Variants in NIPBL observed in about 807,000 individuals in gnomAD.
NIPBL encodes nipped-B-like protein.
NIPBL carries 19 observed loss-of-function variants against 321.8 expected under a neutral mutation model. The ratio of observed to expected loss-of-function variants is 0.06; its 90% confidence interval spans 0.04 to 0.09. NIPBL has a LOEUF of 0.09. Among genes scored for constraint, NIPBL ranks in the 10% least tolerant of loss-of-function variants. The pLI, the probability that NIPBL is intolerant of heterozygous loss-of-function variation, is 1.00. For synonymous variants in NIPBL, 1,106 were observed against 1,114.1 expected, an observed-to-expected ratio of 0.99 and a Z score of 0.14; for missense variants, 2,210 against 3,327.0, an observed-to-expected ratio of 0.66 and a Z score of 8.26.
chr5:37,017,156 A>G lies in NIPBL; in HGVS notation c.4914A>G (p.Leu1638=), dbSNP rs1344131398. 6.2e-7 allele frequency: 1 copy of G among 1,609,804 alleles called. No homozygotes were observed. Among genetic ancestry groups the G allele is most frequent in the East Asian group, 2.2e-5 (1 of 44,748 alleles). The change falls in exon 24 of 47, where the codon TTA becomes TTG. Residue 1638 remains leucine, a synonymous_variant. Transcript: ENST00000282516. ...KMDQGSIERI[L]KQVSGGEDEI... is the part of the protein sequence containing the mutation. Reference sequence around the variant, plus strand: ...ATCAAGGATCTATAGAACGCATTTTAAAACAGGTACTAAGATAAAAGATTA... The same window carrying G: ...ATCAAGGATCTATAGAACGCATTTTGAAACAGGTACTAAGATAAAAGATTA...
intron 22 of NIPBL, among the ~76,000 whole-genome samples, 164 bp from the exon 23 acceptor site, chr5:37,015,874 A>T (rs1165146371): frequency 6.6e-6 from 1 of 152,236 alleles, no homozygotes; most frequent in South Asian, 2.1e-4. Context: ...AGTTTGTGAA[A>T]TAGACTCATT....
At chr5:37,006,293 T>C in intron 16 of NIPBL, 64 bp from the exon 17 acceptor site, 1 of 889,492 alleles carries the variant, frequency 1.1e-6, no homozygotes. Context: ...AATCATAATT[T>C]TAATGTATAT....
intron 7 of NIPBL, 126 bp from the exon 8 acceptor site, chr5:36,971,819 A>C (rs1742878184): frequency 1.3e-6 from 2 of 1,487,314 alleles, no homozygotes; most frequent in Non-Finnish European, 1.8e-6. Flanking sequence ...AAAGTGCAGA[A>C]GAATTATGCT....
At chr5:36,939,830 A>G (rs1392880218) in intron 1 of NIPBL, among the ~76,000 whole-genome samples, 1 of 152,180 alleles carries the variant, frequency 6.6e-6, no homozygotes, top group African/African-American at 2.4e-5. Flanking sequence ...CACTCCTGAG[A>G]CAACAACATT....
intron 1 of NIPBL, among the ~76,000 whole-genome samples, chr5:36,949,752 T>C (rs981398149): frequency 2.6e-5 from 4 of 151,910 alleles, no homozygotes; most frequent in Admixed American, 2.0e-4. Flanking sequence ...ATAATAAGAA[T>C]GCCTTTTATT....
Position 36,995,626 on chromosome 5 carries a change from T to C in NIPBL, c.3126T>C (p.Ser1042=), listed in dbSNP as rs757245118. 5.0e-6 allele frequency: 8 copies of C among 1,607,962 alleles called. No individual in the cohort carries two copies. The African/African-American group carries it at 1.1e-4, about 22-fold the overall frequency. ...KNKPSKSNKG[S]IDQSVLKELP... ...AAATTTACCTTTCATTAATAGGTAG[T>C]ATAGATCAATCAGTGTTAAAAGAAT... Residue 1042 remains serine, a synonymous_variant, in exon 11 of 47, where the codon AGT becomes AGC. Transcript: ENST00000282516.
intron 16 of NIPBL, among the ~76,000 whole-genome samples, chr5:37,006,015 T>C (rs982503215): frequency 6.6e-6 from 1 of 152,162 alleles, no homozygotes; most frequent in Admixed American, 6.5e-5. Context: ...ACTATCATAA[T>C]GTTTATACCC....
chr5:36,907,299 G>A (rs1003242275), intron 1 of NIPBL, among the ~76,000 whole-genome samples: 15 of 152,062 alleles, frequency 9.9e-5, no homozygotes, highest in African/African-American at 3.4e-4. Context: ...TCTTATAATT[G>A]TAAGATATTT....
At chr5:36,991,061 T>A (rs543411924) in intron 10 of NIPBL, among the ~76,000 whole-genome samples, 1 of 152,214 alleles carries the variant, frequency 6.6e-6, no homozygotes, top group Non-Finnish European at 1.5e-5. Flanking sequence ...TATGAATACC[T>A]ACTAGTATTA....
chr5:37,021,986 A>G (rs1029349924), intron 27 of NIPBL, 65 bp from the exon 28 acceptor site: 6 of 1,194,900 alleles, frequency 5.0e-6, no homozygotes, highest in Admixed American at 3.7e-5. Context: ...GCATGTTTTC[A>G]TGCTATTTTT....
intron 43 of NIPBL, among the ~76,000 whole-genome samples, chr5:37,058,637 T>C (rs1402203586): frequency 6.6e-6 from 1 of 152,166 alleles, no homozygotes; most frequent in African/African-American, 2.4e-5. Context: ...AGAAGAAAAT[T>C]GTTTCCCTTT....
intron 1 of NIPBL, among the ~76,000 whole-genome samples, chr5:36,940,073 A>G (rs1738892738): frequency 6.6e-6 from 1 of 152,006 alleles, no homozygotes; most frequent in South Asian, 2.1e-4. Context: ...TAGCATTTAG[A>G]TTTTTCCTTT....
chr5:37,061,447 G>A (rs181612179), intron 45 of NIPBL, among the ~76,000 whole-genome samples: 1 of 152,312 alleles, frequency 6.6e-6, no homozygotes, highest in East Asian at 1.9e-4. Context: ...GGAGGCCATG[G>A]CAGGTGGATC....
intron 10 of NIPBL, among the ~76,000 whole-genome samples, chr5:36,987,322 G>C (rs1267916283): frequency 6.6e-6 from 1 of 152,198 alleles, no homozygotes; most frequent in Admixed American, 6.5e-5. Context: ...CATTGGCCAA[G>C]AGGGTAACCA....
chr5:36,971,499 T>C lies in NIPBL; in HGVS notation c.772-446T>C, dbSNP rs544012880. On this transcript the variant is annotated intron_variant, in intron 7 of 46. Transcript: ENST00000282516. ...TTTTCCCTCTGATACTTGTACAAAG[T>C]TTTGTGTCTGAAATTTAATATTGCC... 2.0e-5 allele frequency among the ~76,000 whole-genome samples: 3 copies of C among 152,234 alleles called. 1 individual carries two copies. The South Asian group carries it at 6.2e-4, about 32-fold the overall frequency.
chr5:37,037,582 A>G (rs1205469851), intron 33 of NIPBL, among the ~76,000 whole-genome samples: 1 of 149,686 alleles, frequency 6.7e-6, no homozygotes, highest in Non-Finnish European at 1.5e-5. Flanking sequence ...CCGTCCATTT[A>G]TGGCACCTAC....
At chr5:36,970,816 T>C (rs539936353) in intron 6 of NIPBL, 60 bp from the exon 7 acceptor site, 2 of 1,382,522 alleles carry the variant, frequency 1.4e-6, no homozygotes, top group Admixed American at 3.5e-5. Context: ...GAATAATTAC[T>C]ATTCTCCAAG....
At chr5:36,905,525 T>A (rs1475798166) in intron 1 of NIPBL, among the ~76,000 whole-genome samples, 1 of 152,188 alleles carries the variant, frequency 6.6e-6, no homozygotes, top group Non-Finnish European at 1.5e-5. Context: ...GCACTTCTCC[T>A]TCCTGAACCA....
At chr5:36,906,058 A>G (rs1447623943) in intron 1 of NIPBL, among the ~76,000 whole-genome samples, 3 of 151,928 alleles carry the variant, frequency 2.0e-5, no homozygotes, top group Non-Finnish European at 2.9e-5. Context: ...AAAGTATATT[A>G]ATGGGGAAGG....
Sources: allele counts gnomAD v4.1 joint callset (sites outside exome capture counted in the v4.1 genomes callset), GRCh38; gene constraint gnomAD v4.1.1; transcripts MANE v1.5; gene names NCBI Gene and HGNC (gene_info 2026-07-23, HGNC 2026-07-21).